Variants in NOS1AP observed in about 807,000 individuals in gnomAD.
NOS1AP encodes the protein carboxyl-terminal PDZ ligand of neuronal nitric oxide synthase protein.
NOS1AP carries 21 observed loss-of-function variants against 56.2 expected under a neutral mutation model. That is an observed-to-expected ratio of 0.37 (90% CI 0.26 to 0.54). NOS1AP has a LOEUF of 0.54. NOS1AP is among the 20% of genes least tolerant of loss of function. The pLI, the probability that NOS1AP is intolerant of heterozygous loss-of-function variation, is 0.84. For missense variants in NOS1AP, 522 were observed against 657.8 expected (o/e 0.79, Z 2.26); for synonymous variants, 270 against 274.6 (o/e 0.98, Z 0.17).
At chr1:162,186,469 C>T (rs1651436285) in intron 2 of NOS1AP, among the ~76,000 whole-genome samples, 2 of 152,018 alleles carry the variant, frequency 1.3e-5, no homozygotes, top group Non-Finnish European at 2.9e-5. Context: ...GAAATAGCTA[C>T]TATTAAGTAT....
intron 2 of NOS1AP, among the ~76,000 whole-genome samples, chr1:162,263,191 A>G (rs1654293597): frequency 6.6e-6 from 1 of 152,170 alleles, no homozygotes; most frequent in African/African-American, 2.4e-5. Context: ...GTGTTAGTTT[A>G]TTTTGTGCTG....
chr1:162,241,256 C>A (rs1428634122), intron 2 of NOS1AP, among the ~76,000 whole-genome samples: 3 of 152,114 alleles, frequency 2.0e-5, no homozygotes, highest in Non-Finnish European at 4.4e-5. Flanking sequence ...GAACCATAAT[C>A]ACCAACACTG....
intron 2 of NOS1AP, among the ~76,000 whole-genome samples, chr1:162,169,386 C>T (rs1473311326): frequency 6.6e-6 from 1 of 152,188 alleles, no homozygotes; most frequent in Non-Finnish European, 1.5e-5. Context: ...AACAACTGCA[C>T]CCTGCTGGGG....
intron 4 of NOS1AP, among the ~76,000 whole-genome samples, chr1:162,332,099 C>A (rs1178629028): frequency 6.6e-6 from 1 of 152,210 alleles, no homozygotes; most frequent in Non-Finnish European, 1.5e-5. Context: ...CCATACTCCA[C>A]TTGAACCACA....
intron 2 of NOS1AP, among the ~76,000 whole-genome samples, chr1:162,216,498 G>A (rs1652572069): frequency 6.6e-6 from 1 of 152,194 alleles, no homozygotes; most frequent in Non-Finnish European, 1.5e-5. Flanking sequence ...TGGACTCTTG[G>A]TGACTTGCAT....
At chr1:162,212,918 C>T (rs756844598) in intron 2 of NOS1AP, among the ~76,000 whole-genome samples, 9 of 152,186 alleles carry the variant, frequency 5.9e-5, no homozygotes, top group Admixed American at 5.9e-4. Flanking sequence ...GCTGTATGAG[C>T]CTAGAGACTG....
At chr1:162,081,049 T>G (rs1246937702) in intron 1 of NOS1AP, among the ~76,000 whole-genome samples, 6 of 152,202 alleles carry the variant, frequency 3.9e-5, no homozygotes, top group Non-Finnish European at 7.4e-5. Context: ...TGTTAACTCT[T>G]GTGCTGTATG....
At chr1:162,248,066 T>A (rs537426511) in intron 2 of NOS1AP, among the ~76,000 whole-genome samples, 1 of 152,084 alleles carries the variant, frequency 6.6e-6, no homozygotes, top group Non-Finnish European at 1.5e-5. Context: ...GAGGATCGCT[T>A]GAGGCCGGAT....
At chr1:162,217,729 A>G (rs1450379289) in intron 2 of NOS1AP, among the ~76,000 whole-genome samples, 2 of 152,166 alleles carry the variant, frequency 1.3e-5, no homozygotes, top group African/African-American at 4.8e-5. Context: ...AAAACCACAT[A>G]TACACCTTTC....
At chr1:162,199,592 T>TTG (rs1557830078) in intron 2 of NOS1AP, among the ~76,000 whole-genome samples, 2 of 131,690 alleles carry the variant, frequency 1.5e-5, no homozygotes, top group African/African-American at 5.7e-5. Flanking sequence ...AGAGCATGGA[T>TTG]TGCGTGTGTG....
intron 2 of NOS1AP, among the ~76,000 whole-genome samples, chr1:162,265,595 G>A (rs1654398815): frequency 6.6e-6 from 1 of 151,960 alleles, no homozygotes; most frequent in African/African-American, 2.4e-5. Context: ...TTCTTTATGA[G>A]AATACGCAGT....
intron 2 of NOS1AP, among the ~76,000 whole-genome samples, chr1:162,231,275 G>C (rs988693271): frequency 2.0e-5 from 3 of 152,122 alleles, no homozygotes; most frequent in Non-Finnish European, 2.9e-5. Flanking sequence ...CTGGCCATTT[G>C]GGTGTCTTCT....
intron 2 of NOS1AP, among the ~76,000 whole-genome samples, chr1:162,253,588 A>G (rs1291190455): frequency 1.3e-5 from 2 of 152,218 alleles, no homozygotes; most frequent in Non-Finnish European, 2.9e-5. Context: ...GGCCAACCAC[A>G]TAAGTGAATG....
intron 2 of NOS1AP, among the ~76,000 whole-genome samples, chr1:162,176,804 A>G (rs1052202743): frequency 6.6e-6 from 1 of 152,094 alleles, no homozygotes; most frequent in African/African-American, 2.4e-5. Flanking sequence ...CCAATAGCTC[A>G]TTTTTTATTG....
At chr1:162,207,002 A>G (rs1294803766) in intron 2 of NOS1AP, among the ~76,000 whole-genome samples, 1 of 152,240 alleles carries the variant, frequency 6.6e-6, no homozygotes, top group Non-Finnish European at 1.5e-5. Flanking sequence ...AAATTACCCT[A>G]TTATTTAGAG....
chr1:162,120,938 A>G (rs1041817738), intron 1 of NOS1AP, among the ~76,000 whole-genome samples: 5 of 152,278 alleles, frequency 3.3e-5, no homozygotes, highest in Non-Finnish European at 5.9e-5. Flanking sequence ...GGTTCTGAAA[A>G]GACCTCTGGC....
intron 2 of NOS1AP, among the ~76,000 whole-genome samples, chr1:162,271,289 A>AC (rs1271475554): frequency 8.3e-6 from 1 of 120,792 alleles, no homozygotes; most frequent in Non-Finnish European, 1.7e-5. Context: ...GGTACCCCCC[A>AC]CCCCCCAGCA....
intron 6 of NOS1AP, among the ~76,000 whole-genome samples, chr1:162,346,916 TCA>T (rs1490308437): frequency 6.6e-6 from 1 of 152,216 alleles, no homozygotes; most frequent in Non-Finnish European, 1.5e-5. Context: ...TTGGCCAGTC[TCA>T]GTTTTAGCAG....
At chr1:162,362,883 G>C (rs775037634) in intron 8 of NOS1AP, 154 of 907,532 alleles carry the variant, frequency 1.7e-4, no homozygotes, top group Non-Finnish European at 1.9e-4. Flanking sequence ...CCCACCATCT[G>C]ACATCCAGAT....
Sources: allele counts gnomAD v4.1 joint callset (sites outside exome capture counted in the v4.1 genomes callset), GRCh38; gene constraint gnomAD v4.1.1; transcripts MANE v1.5; gene names NCBI Gene and HGNC (gene_info 2026-07-23, HGNC 2026-07-21).